SGCD: variants seen among roughly 807,000 people sequenced by gnomAD.
SGCD encodes the protein delta-sarcoglycan.
In SGCD, 18 loss-of-function variants were observed where a neutral mutation model predicts 36.6. That is an observed-to-expected ratio of 0.49 (90% CI 0.34 to 0.73). The LOEUF (loss-of-function observed/expected upper bound fraction) is 0.73, where lower values mean the gene tolerates loss of function less well. SGCD is among the 30% of genes least tolerant of loss of function. The pLI, the probability that SGCD is intolerant of heterozygous loss-of-function variation, is 0.01. For missense variants in SGCD, 387 were observed against 346.7 expected (o/e 1.12, Z -0.92); for synonymous variants, 133 against 130.6 (o/e 1.02, Z -0.12).
At chr5:156,012,111 A>T (rs1181320353) in intron 1 of SGCD, among the ~76,000 whole-genome samples, 2 of 152,222 alleles carry the variant, frequency 1.3e-5, no homozygotes, top group African/African-American at 4.8e-5. Flanking sequence ...ATGCTTATAT[A>T]TTCATTTCTA....
At chr5:155,747,365 T>C in the SGCD span, among the ~76,000 whole-genome samples, 3 of 152,192 alleles carry the variant, frequency 2.0e-5, no homozygotes, top group Admixed American at 2.0e-4. Context: ...GTTTCTGGAA[T>C]TGATTGACTT....
intron 3 of SGCD, among the ~76,000 whole-genome samples, chr5:156,240,068 C>G (rs895046214): frequency 6.6e-6 from 1 of 152,122 alleles, no homozygotes; most frequent in Non-Finnish European, 1.5e-5. Context: ...GAAGGGGAAG[C>G]CTTACCCAGT....
intron 3 of SGCD, among the ~76,000 whole-genome samples, chr5:156,216,425 A>C (rs924308181): frequency 6.6e-6 from 1 of 152,242 alleles, no homozygotes; most frequent in Non-Finnish European, 1.5e-5. Flanking sequence ...GCTGTGCACA[A>C]TAAATACATG....
intron 1 of SGCD, among the ~76,000 whole-genome samples, chr5:155,883,775 C>A (rs1376407120): frequency 7.9e-6 from 1 of 126,702 alleles, no homozygotes; most frequent in Non-Finnish European, 1.6e-5. Flanking sequence ...TGCAGGGTTA[C>A]CACAAACCTT....
At chr5:155,821,465 C>A in the SGCD span, among the ~76,000 whole-genome samples, 1 of 152,120 alleles carries the variant, frequency 6.6e-6, no homozygotes, top group Non-Finnish European at 1.5e-5. Context: ...AGGTGCCCAC[C>A]ACCACGCCCG....
chr5:155,742,397 A>G, the SGCD span, among the ~76,000 whole-genome samples: 7 of 152,168 alleles, frequency 4.6e-5, no homozygotes, highest in African/African-American at 1.4e-4. Flanking sequence ...ACATGTAAAG[A>G]CAATGCTTTC....
chr5:155,865,927 A>G (rs1215583960), upstream of SGCD, among the ~76,000 whole-genome samples: 1 of 152,198 alleles, frequency 6.6e-6, no homozygotes, highest in Non-Finnish European at 1.5e-5. Flanking sequence ...ATTTTCAAGA[A>G]AATGTTTACC....
At chr5:156,587,708 T>C (rs1760551617) in intron 4 of SGCD, among the ~76,000 whole-genome samples, 1 of 152,136 alleles carries the variant, frequency 6.6e-6, no homozygotes, top group African/African-American at 2.4e-5. Context: ...TCATTTCAAC[T>C]TGATAAAATT....
chr5:156,157,349 A>G (rs1762987176), intron 3 of SGCD, among the ~76,000 whole-genome samples: 1 of 151,736 alleles, frequency 6.6e-6, no homozygotes. Flanking sequence ...CTCAAATTAT[A>G]AAATGCACCG....
intron 1 of SGCD, among the ~76,000 whole-genome samples, chr5:156,044,495 C>A (rs887701534): frequency 6.6e-6 from 1 of 152,070 alleles, no homozygotes; most frequent in African/African-American, 2.4e-5. Context: ...TGGAATCTTG[C>A]CAATAGGCAA....
intron 3 of SGCD, among the ~76,000 whole-genome samples, chr5:156,361,641 G>A (rs1233497692): frequency 6.6e-6 from 1 of 152,138 alleles, no homozygotes; most frequent in African/African-American, 2.4e-5. Flanking sequence ...CATGTTTAAA[G>A]GAATGACTAA....
chr5:156,202,160 G>A (rs967753892), intron 3 of SGCD, among the ~76,000 whole-genome samples: 2 of 152,166 alleles, frequency 1.3e-5, no homozygotes, highest in Non-Finnish European at 2.9e-5. Flanking sequence ...GGCCTTTGCC[G>A]TTAAAGTGAT....
chr5:156,532,634 T>A (rs1010182368), intron 4 of SGCD, among the ~76,000 whole-genome samples: 3 of 152,082 alleles, frequency 2.0e-5, no homozygotes, highest in African/African-American at 7.2e-5. Flanking sequence ...CTAATTTTTT[T>A]ATTTTTTTAG....
At chr5:156,530,476 G>A (rs1283925663) in intron 4 of SGCD, among the ~76,000 whole-genome samples, 1 of 151,994 alleles carries the variant, frequency 6.6e-6, no homozygotes, top group Non-Finnish European at 1.5e-5. Flanking sequence ...TTATTTCTTA[G>A]CATTCTCAAT....
chr5:156,427,515 G>C (rs539647482), intron 3 of SGCD, among the ~76,000 whole-genome samples: 1 of 152,070 alleles, frequency 6.6e-6, no homozygotes, highest in South Asian at 2.1e-4. Flanking sequence ...TTTCCAATTC[G>C]GAGGCCCTTT....
chr5:156,388,105 A>G (rs1771370280), intron 3 of SGCD, among the ~76,000 whole-genome samples: 1 of 152,234 alleles, frequency 6.6e-6, no homozygotes, highest in Non-Finnish European at 1.5e-5. Flanking sequence ...TTCTGAGGTT[A>G]CAAAGAGGTC....
chr5:156,555,219 T>C (rs1007455110), intron 4 of SGCD, among the ~76,000 whole-genome samples: 6 of 152,176 alleles, frequency 3.9e-5, no homozygotes, highest in African/African-American at 1.4e-4. Flanking sequence ...TGTTTTTATT[T>C]TTGATGAAGT....
At chr5:156,590,574 A>C (rs1760687305) in intron 5 of SGCD, among the ~76,000 whole-genome samples, 1 of 152,186 alleles carries the variant, frequency 6.6e-6, no homozygotes, top group Admixed American at 6.5e-5. Flanking sequence ...GAGGGTAATA[A>C]ATCCAACCTC....
chr5:156,516,403 C>A (rs256834), intron 4 of SGCD, among the ~76,000 whole-genome samples: 78,945 of 151,962 alleles, frequency 0.52, 20,802 homozygotes, highest in African/African-American at 0.56. Context: ...CCAGGAGTGG[C>A]CCCCCAGCAA....
Sources: gnomAD v4.1 joint callset for allele counts (sites outside exome capture counted in the v4.1 genomes callset) on GRCh38, gnomAD v4.1.1 for gene constraint, MANE v1.5 for transcripts, NCBI Gene and HGNC (gene_info 2026-07-23, HGNC 2026-07-21) for gene names.